BCHE: variants seen among roughly 807,000 people sequenced by gnomAD.
BCHE encodes cholinesterase.
A neutral mutation model predicts 51.3 loss-of-function variants in BCHE; 48 were observed. The ratio of observed to expected loss-of-function variants is 0.94; its 90% CI spans 0.74 to 1.19. BCHE has a LOEUF of 1.19. Among genes scored for constraint, BCHE ranks in the 50% most tolerant of loss-of-function variants. BCHE has a pLI of 0.00. For synonymous variants in BCHE, 251 were observed against 238.0 expected (o/e 1.05, Z -0.50); for missense variants, 847 against 708.2 (o/e 1.20, Z -2.23).
chr3:165,830,367 A>G lies in BCHE; in HGVS notation c.667T>C (p.Phe223Leu), dbSNP rs1714917978. 1.2e-6 allele frequency: 2 copies of G among 1,613,842 alleles called. No homozygotes were observed. The highest frequency in any genetic ancestry group is 1.6e-4 in the Middle Eastern group (1 of 6,080). ...FGGNPKSVTL[F>L]GESAGAASVS... ...GAAGCTGCTCCTGCACTTTCTCCAA[A>G]GAGAGTTACACTTTTAGGATTTCCA... Residue 223 changes from phenylalanine to leucine, a missense_variant, in exon 2 of 4, where the codon TTT becomes CTT. Physicochemically the swap from Phe to Leu is conservative, Grantham distance 22 (BLOSUM62 0). Transcript: ENST00000264381.
rs530246564 is a variant in BCHE at position 165,828,255 on chromosome 3, T to C, written c.1517+1262A>G. Among the ~76,000 whole-genome samples, 169 of 152,220 alleles carry C rather than the reference T, an allele frequency of 1.1e-3. 1 individual carries two copies. The highest frequency in any genetic ancestry group is 3.7e-3 in the African/African-American group (152 of 41,544). ...AGGTAGGTGTTCTAAACAGGGCACA[T>C]TGAGAGAAGAAAGTTCTAAGGTGCA... On this transcript the variant is annotated intron_variant, in intron 2 of 3. Coordinates refer to ENST00000264381, the MANE Select transcript of BCHE (RefSeq NM_000055.4).
At chr3:165,784,488 C>A (rs74635495) in intron 3 of BCHE, among the ~76,000 whole-genome samples, 8,069 of 151,912 alleles carry the variant, frequency 0.053, 285 homozygotes, top group Non-Finnish European at 0.079. Context: ...CTGAACCTAA[C>A]CTTAAGCATG....
chr3:165,826,603 A>C (rs1714731407), intron 2 of BCHE, among the ~76,000 whole-genome samples: 1 of 152,054 alleles, frequency 6.6e-6, no homozygotes, highest in Non-Finnish European at 1.5e-5. Flanking sequence ...CTTTATGTTT[A>C]TTGTGTATAT....
intron 3 of BCHE, among the ~76,000 whole-genome samples, chr3:165,775,621 T>G (rs372079816): frequency 9.2e-5 from 14 of 151,876 alleles, no homozygotes; most frequent in African/African-American, 3.1e-4. Context: ...GATCTGATTT[T>G]CCTTTTTTAT....
intron 2 of BCHE, among the ~76,000 whole-genome samples, chr3:165,798,611 C>T (rs1440459796): frequency 6.6e-6 from 1 of 152,046 alleles, no homozygotes. Context: ...ATGTCAAAAA[C>T]ATAAATCTGG....
chr3:165,788,039 A>G, intron 2 of BCHE, among the ~76,000 whole-genome samples: 1 of 152,038 alleles, frequency 6.6e-6, no homozygotes, highest in Non-Finnish European at 1.5e-5. Context: ...TCAACACAAA[A>G]AATCCTTCAT....
intron 2 of BCHE, among the ~76,000 whole-genome samples, chr3:165,807,181 T>C (rs1713899757): frequency 2.6e-5 from 4 of 152,120 alleles, no homozygotes; most frequent in African/African-American, 9.7e-5. Flanking sequence ...TTCACACTGG[T>C]ATTTTTTATA....
chr3:165,829,154 C>T (rs988725265), intron 2 of BCHE, among the ~76,000 whole-genome samples: 1 of 152,080 alleles, frequency 6.6e-6, no homozygotes, highest in Admixed American at 6.6e-5. Context: ...CCTACTCTGA[C>T]GTAAATCTGT....
intron 2 of BCHE, among the ~76,000 whole-genome samples, chr3:165,799,734 T>C (rs1457236718): frequency 1.3e-5 from 2 of 152,116 alleles, no homozygotes; most frequent in Non-Finnish European, 1.5e-5. Flanking sequence ...ATTAAAATGG[T>C]GATACACACA....
At chr3:165,825,185 C>T (rs531333730) in intron 2 of BCHE, among the ~76,000 whole-genome samples, 6 of 152,050 alleles carry the variant, frequency 3.9e-5, no homozygotes, top group South Asian at 2.1e-4. Context: ...CATATCCACA[C>T]GTATATGGTC....
chr3:165,782,372 G>T (rs16849623), intron 3 of BCHE, among the ~76,000 whole-genome samples: 9,676 of 152,062 alleles, frequency 0.064, 430 homozygotes, highest in African/African-American at 0.11. Flanking sequence ...TGCCTCACAG[G>T]GTAAAGAGAA....
chr3:165,796,540 C>G (rs1466686522), intron 2 of BCHE, among the ~76,000 whole-genome samples: 1 of 152,108 alleles, frequency 6.6e-6, no homozygotes, highest in Non-Finnish European at 1.5e-5. Flanking sequence ...GCCTTAAGCA[C>G]AAAGAAATAT....
chr3:165,786,078 T>A, intron 3 of BCHE, 67 bp downstream of exon 3: 2 of 1,525,844 alleles, frequency 1.3e-6, no homozygotes, highest in Non-Finnish European at 1.8e-6. Flanking sequence ...CCTTGGAGAG[T>A]ATACTTCATC....
intron 2 of BCHE, among the ~76,000 whole-genome samples, chr3:165,823,578 A>C (rs1024290128): frequency 6.6e-6 from 1 of 152,158 alleles, no homozygotes; most frequent in African/African-American, 2.4e-5. Flanking sequence ...TGAATCAAGA[A>C]GGAATAGATG....
chr3:165,807,451 C>T (rs572573881), intron 2 of BCHE, among the ~76,000 whole-genome samples: 5 of 151,494 alleles, frequency 3.3e-5, no homozygotes, highest in South Asian at 4.2e-4. Context: ...TTACCATCAG[C>T]GGCATAGTAC....
chr3:165,814,438 A>C (rs2108224192), intron 2 of BCHE, among the ~76,000 whole-genome samples: 1 of 152,232 alleles, frequency 6.6e-6, no homozygotes, highest in African/African-American at 2.4e-5. Context: ...GTTTATTTTA[A>C]TCATAATGTT....
chr3:165,782,929 C>A (rs1712764563), intron 3 of BCHE, among the ~76,000 whole-genome samples: 1 of 151,912 alleles, frequency 6.6e-6, no homozygotes, highest in Admixed American at 6.6e-5. Context: ...CCTCCCGCAA[C>A]GATTCACCTT....
chr3:165,794,473 A>G (rs1023198695), intron 2 of BCHE, among the ~76,000 whole-genome samples: 1 of 152,188 alleles, frequency 6.6e-6, no homozygotes, highest in African/African-American at 2.4e-5. Flanking sequence ...TTCAAAATCA[A>G]GGCATTGGCA....
intron 2 of BCHE, among the ~76,000 whole-genome samples, chr3:165,803,638 G>A (rs535724574): frequency 6.6e-6 from 1 of 152,188 alleles, no homozygotes; most frequent in South Asian, 2.1e-4. Flanking sequence ...TTTTTCTAAA[G>A]GTCAAGTTGA....
Sources: allele counts gnomAD v4.1 joint callset (sites outside exome capture counted in the v4.1 genomes callset), GRCh38; gene constraint gnomAD v4.1.1; transcripts MANE v1.5; gene names NCBI Gene and HGNC (gene_info 2026-07-23, HGNC 2026-07-21).